ITGA4: variants seen among roughly 807,000 people sequenced by gnomAD.
ITGA4 encodes the protein integrin subunit alpha 4, also known as integrin alpha-4.
ITGA4 carries 63 observed loss-of-function variants against 133.6 expected under a neutral mutation model. The observed-to-expected ratio is 0.47, with a 90% CI of 0.38 to 0.58. The LOEUF is 0.58. ITGA4 is among the 20% of genes least tolerant of loss of function. The pLI is 0.00. For synonymous variants in ITGA4, 483 were observed against 438.0 expected, an observed-to-expected ratio of 1.10 and a Z score of -1.28; for missense variants, 1,076 against 1,252.7, an observed-to-expected ratio of 0.86 and a Z score of 2.13.
chr2:181,505,266 A>G (rs917677599), intron 15 of ITGA4, among the ~76,000 whole-genome samples: 12 of 152,162 alleles, frequency 7.9e-5, no homozygotes, highest in African/African-American at 2.6e-4. Flanking sequence ...GATATCTTCA[A>G]ATATTTATTC....
intron 2 of ITGA4, among the ~76,000 whole-genome samples, chr2:181,472,370 AG>A (rs921865676): frequency 2.0e-5 from 3 of 152,226 alleles, no homozygotes; most frequent in African/African-American, 7.2e-5. Context: ...GGCTCTCTCT[AG>A]AATAATAGAT....
Position 181,464,501 on chromosome 2 carries a change from T to C in ITGA4, c.319+6184T>C, listed in dbSNP as rs1208836259. 3.3e-5 allele frequency among the ~76,000 whole-genome samples: 5 copies of C among 152,162 alleles called. No individual in the cohort carries two copies. In the East Asian group the frequency reaches 9.6e-4, roughly 29 times the overall value. On this transcript the variant is annotated intron_variant, in intron 2 of 27. Transcript: ENST00000397033. ...AGACAGGTAAATGGACAATTAATTATGAGATAATGTAATAAGCATGACAAT... is the reference window on the plus strand; with the variant it reads ...AGACAGGTAAATGGACAATTAATTACGAGATAATGTAATAAGCATGACAAT...
At chr2:181,511,559 AAG>A in intron 16 of ITGA4, 138 bp from the exon 17 acceptor site, 1 of 547,582 alleles carries the variant, frequency 1.8e-6, no homozygotes, top group Non-Finnish European at 3.2e-6. Flanking sequence ...AACTTTTTAA[AAG>A]AGATAAAATA....
rs543935181 is a variant in ITGA4 at position 181,461,370 on chromosome 2, ATCTCT to A, written c.319+3059_319+3063del. On this transcript the variant is annotated intron_variant, in intron 2 of 27. Transcript: ENST00000397033. The stretch of plus-strand genomic sequence containing the variant: ...TTACCTCCCTGACTCCCCAAGAGAC[ATCTCT>A]TCTCTCACTTCTTTTGTACCAGAGG... Among the ~76,000 whole-genome samples, 43 of 151,664 alleles carry A rather than the reference ATCTCT, an allele frequency of 2.8e-4. No individual in the cohort carries two copies. In the South Asian group the frequency reaches 3.8e-3, roughly 13 times the overall value.
At chr2:181,525,740 G>T (rs1375577372) in intron 21 of ITGA4, among the ~76,000 whole-genome samples, 1 of 152,168 alleles carries the variant, frequency 6.6e-6, no homozygotes, top group Non-Finnish European at 1.5e-5. Context: ...TGAGAGATCT[G>T]GCTGCAAGGT....
intron 18 of ITGA4, 115 bp downstream of exon 18, chr2:181,522,456 T>C (rs1686740629): frequency 2.9e-6 from 2 of 691,034 alleles, no homozygotes; most frequent in African/African-American, 1.8e-5. Context: ...ATATTTAGGC[T>C]CCTAGTTATT....
intron 16 of ITGA4, 197 bp downstream of exon 16, chr2:181,510,004 C>A (rs1363918247): frequency 4.4e-6 from 2 of 457,528 alleles, no homozygotes; most frequent in Non-Finnish European, 7.8e-6. Context: ...TTAAAATATG[C>A]ATTTAATCAC....
intron 25 of ITGA4, 43 bp downstream of exon 25, chr2:181,531,819 C>T (rs373362703): frequency 1.4e-6 from 2 of 1,453,708 alleles, no homozygotes; most frequent in African/African-American, 1.4e-5. Flanking sequence ...GCTAAGTTTA[C>T]ATAAAATCTA....
At chr2:181,471,951 C>G (rs1685562105) in intron 2 of ITGA4, among the ~76,000 whole-genome samples, 2 of 152,184 alleles carry the variant, frequency 1.3e-5, no homozygotes, top group Admixed American at 1.3e-4. Flanking sequence ...GGTGAGACTA[C>G]ATGGGACACA....
intron 10 of ITGA4, among the ~76,000 whole-genome samples, chr2:181,489,942 C>A (rs1233862711): frequency 6.6e-6 from 1 of 152,082 alleles, no homozygotes; most frequent in Non-Finnish European, 1.5e-5. Context: ...TCTCAAGAGC[C>A]GAGCTCCCCA....
At chr2:181,527,218 A>G (rs1686851684) in intron 21 of ITGA4, 79 bp from the exon 22 acceptor site, 1 of 813,292 alleles carries the variant, frequency 1.2e-6, no homozygotes, top group East Asian at 2.6e-5. Flanking sequence ...ATATGCTATA[A>G]TCCAGACTAT....
intron 17 of ITGA4, among the ~76,000 whole-genome samples, chr2:181,515,088 G>T (rs544606906): frequency 2.0e-5 from 3 of 152,100 alleles, no homozygotes; most frequent in African/African-American, 7.2e-5. Flanking sequence ...AACTAAAGGG[G>T]ACCAGGCCAC....
chr2:181,457,674 G>A lies in ITGA4; in HGVS notation c.20G>A (p.Arg7His). The A allele has an allele frequency of 3.7e-6, 6 of 1,610,706 alleles. No homozygotes were observed. Among genetic ancestry groups the A allele is most frequent in the Non-Finnish European group, 5.1e-6 (6 of 1,179,320 alleles). ...GAGCGCATGGCTTGGGAAGCGAGGC[G>A]CGAACCCGGCCCCCGAAGGGCCGCC... Reference protein sequence around the residue: MAWEARREPGPRRAAVR... With the variant: MAWEARHEPGPRRAAVR... Residue 7 changes from arginine to histidine, a missense_variant, in exon 1 of 28, where the codon CGC becomes CAC. Around this residue, in one of 4 missense-constraint regions of ITGA4, gnomAD observed 82 missense variants for 68.3 expected, o/e 1.20. Transcript: ENST00000397033.
intron 12 of ITGA4, 128 bp downstream of exon 12, chr2:181,494,940 A>G (rs1334441901): frequency 4.9e-6 from 3 of 607,072 alleles, no homozygotes; most frequent in Non-Finnish European, 8.7e-6. Flanking sequence ...CTTCATTTTT[A>G]AAGTTCTCCT....
intron 11 of ITGA4, among the ~76,000 whole-genome samples, chr2:181,494,052 A>G (rs751364397): frequency 2.6e-5 from 4 of 152,212 alleles, no homozygotes; most frequent in African/African-American, 9.7e-5. Flanking sequence ...TGTAATTGAC[A>G]TAAAAGAAAT....
rs201531557 is a variant in ITGA4 at position 181,524,185 on chromosome 2, T to C, written c.2184T>C (p.Phe728=). 23 of 1,603,424 alleles carry C rather than the reference T, an allele frequency of 1.4e-5. No homozygotes were observed. Among genetic ancestry groups the C allele is most frequent in the Admixed American group, 8.5e-5 (5 of 58,532 alleles). Residue 728 remains phenylalanine (F), a synonymous_variant, in exon 20 of 28, where the codon TTT becomes TTC. Transcript: ENST00000397033. ...GTGTTTTACAGATAGATATTAGCTT[T>C]CTCCTGGATGTGAGCTCACTCAGCA... is the stretch of plus-strand genomic sequence containing the variant. ...VDHLSRIDIS[F]LLDVSSLSRA...
In ITGA4 at chr2:181,531,653, C is replaced by A; in HGVS notation, c.2665-4C>A. Reference sequence around the variant, plus strand: ...TAATGTAGCACTTTTATATTCCCTTCAAGTACTGCATAAAAGCTGATCCAC... The same window carrying A: ...TAATGTAGCACTTTTATATTCCCTTAAAGTACTGCATAAAAGCTGATCCAC... On this transcript the variant is annotated splice_region_variant and splice_polypyrimidine_tract_variant and intron_variant, in intron 24 of 27. Coordinates refer to ENST00000397033, the MANE Select transcript of ITGA4 (RefSeq NM_000885.6). 6.4e-7 allele frequency: 1 copy of A among 1,563,382 alleles called. No homozygotes were observed. Among genetic ancestry groups the A allele is most frequent in the Non-Finnish European group, 8.7e-7 (1 of 1,147,462 alleles).
At chr2:181,480,312 A>G in intron 6 of ITGA4, 46 bp downstream of exon 6, 1 of 1,009,926 alleles carries the variant, frequency 9.9e-7, no homozygotes, top group East Asian at 2.7e-5. Context: ...CCTTACAAAT[A>G]CTAGTACTGT....
At chr2:181,489,609 T>C (rs988644828) in intron 10 of ITGA4, among the ~76,000 whole-genome samples, 1 of 152,244 alleles carries the variant, frequency 6.6e-6, no homozygotes, top group Non-Finnish European at 1.5e-5. Flanking sequence ...ACTATTATTT[T>C]GTGTGCACCT....
Sources: allele counts gnomAD v4.1 joint callset (sites outside exome capture counted in the v4.1 genomes callset), GRCh38; gene constraint gnomAD v4.1.1; regional missense constraint gnomAD v4.1.1; transcripts MANE v1.5; gene names NCBI Gene and HGNC (gene_info 2026-07-23, HGNC 2026-07-21).